Variants in ZNF644 observed in about 807,000 individuals in gnomAD.
ZNF644 encodes zinc finger motif enhancer binding protein 2.
A neutral mutation model predicts 108.0 loss-of-function variants in ZNF644; 20 were observed. The ratio of observed to expected loss-of-function variants is 0.19; its 90% confidence interval spans 0.13 to 0.27. ZNF644 has a LOEUF of 0.27. Ranked by LOEUF, ZNF644 falls within the 10% of genes least tolerant of loss-of-function variation. ZNF644 has a pLI of 1.00. For synonymous variants in ZNF644, 542 were observed against 539.1 expected, an observed-to-expected ratio of 1.01 and a Z score of -0.08; for missense variants, 1,338 against 1,548.9, an observed-to-expected ratio of 0.86 and a Z score of 2.29.
At chr1:90,995,530 T>C (rs1224444311) in intron 1 of ZNF644, among the ~76,000 whole-genome samples, 1 of 151,880 alleles carries the variant, frequency 6.6e-6, no homozygotes, top group Non-Finnish European at 1.5e-5. Flanking sequence ...ACTTAACAAA[T>C]CCAAGAATCT....
At chr1:90,997,431 A>G (rs981561321) in intron 1 of ZNF644, among the ~76,000 whole-genome samples, 7 of 152,154 alleles carry the variant, frequency 4.6e-5, no homozygotes, top group Non-Finnish European at 8.8e-5. Flanking sequence ...GATTTCATAG[A>G]ATTAGTTTCA....
intron 1 of ZNF644, among the ~76,000 whole-genome samples, chr1:91,010,095 A>G (rs971981291): frequency 2.0e-5 from 3 of 151,828 alleles, no homozygotes; most frequent in African/African-American, 7.3e-5. Flanking sequence ...CTTCAGTAGA[A>G]CTCCTTATTT....
intron 1 of ZNF644, among the ~76,000 whole-genome samples, chr1:90,992,597 T>C (rs996854122): frequency 3.9e-5 from 6 of 152,206 alleles, no homozygotes; most frequent in Admixed American, 2.0e-4. Context: ...AATTTCTATA[T>C]GCAAACAATT....
chr1:91,004,026 A>T (rs1266204745), intron 1 of ZNF644, among the ~76,000 whole-genome samples: 1 of 152,180 alleles, frequency 6.6e-6, no homozygotes, highest in East Asian at 1.9e-4. Context: ...GAACAGAAAG[A>T]AAAACCAATT....
intron 2 of ZNF644, among the ~76,000 whole-genome samples, chr1:90,970,919 G>C (rs1655386938): frequency 7.0e-6 from 1 of 142,154 alleles, no homozygotes; most frequent in South Asian, 2.2e-4. Context: ...AGAATCACTT[G>C]AACCCGGGAG....
At chr1:91,014,995 T>C (rs1411154275) in intron 1 of ZNF644, among the ~76,000 whole-genome samples, 2 of 152,164 alleles carry the variant, frequency 1.3e-5, no homozygotes, top group Admixed American at 6.6e-5. Flanking sequence ...TAAAAGAATA[T>C]AGTAGATGCT....
At chr1:91,007,218 CCATTTT>C (rs1277064331) in intron 1 of ZNF644, among the ~76,000 whole-genome samples, 3 of 125,668 alleles carry the variant, frequency 2.4e-5, no homozygotes, top group African/African-American at 8.7e-5. Context: ...CCATTTTCTC[CCATTTT>C]GTTTTTTTTT....
intron 4 of ZNF644, 42 bp downstream of exon 4, chr1:90,937,443 G>C (rs184986759): frequency 1.2e-6 from 2 of 1,612,468 alleles, no homozygotes. Context: ...TAATTGAACT[G>C]CATTTAAACT....
At chr1:90,947,950 G>C (rs576452616) in intron 2 of ZNF644, among the ~76,000 whole-genome samples, 1 of 151,940 alleles carries the variant, frequency 6.6e-6, no homozygotes, top group Non-Finnish European at 1.5e-5. Context: ...CTACACCATC[G>C]CAAAATTGAA....
chr1:90,927,081 C>T (rs1650123559), intron 4 of ZNF644, among the ~76,000 whole-genome samples: 2 of 152,072 alleles, frequency 1.3e-5, no homozygotes, highest in South Asian at 2.1e-4. Context: ...TTCCCCACCC[C>T]GACCCCCATT....
chr1:90,917,083 T>C (rs1648857038), intron 5 of ZNF644, 93 bp from the exon 6 acceptor site: 1 of 1,335,906 alleles, frequency 7.5e-7, no homozygotes, highest in Non-Finnish European at 1.0e-6. Context: ...ATAAACTTTA[T>C]CATATTTTAA....
intron 2 of ZNF644, 46 bp downstream of exon 2, chr1:90,982,264 A>G (rs1656626575): frequency 6.7e-7 from 1 of 1,487,960 alleles, no homozygotes; most frequent in African/African-American, 1.4e-5. Flanking sequence ...TTTTTGTATT[A>G]TTCCTACCTT....
chr1:90,928,938 G>A (rs1376908087), intron 4 of ZNF644, among the ~76,000 whole-genome samples: 1 of 151,796 alleles, frequency 6.6e-6, no homozygotes, highest in Non-Finnish European at 1.5e-5. Context: ...TTTTCCCACT[G>A]GGTTATATTA....
intron 4 of ZNF644, among the ~76,000 whole-genome samples, chr1:90,930,819 C>T (rs1650648307): frequency 2.6e-5 from 4 of 152,188 alleles, no homozygotes; most frequent in Admixed American, 2.6e-4. Context: ...TAACAACATG[C>T]TATCTACCAT....
At chr1:90,941,744 T>C (rs540555273) in intron 2 of ZNF644, among the ~76,000 whole-genome samples, 3 of 152,198 alleles carry the variant, frequency 2.0e-5, no homozygotes, top group Admixed American at 1.3e-4. Context: ...CACTCTATTC[T>C]AGAGAACAAT....
rs142786693 is a variant in ZNF644, at chr1:90,916,898, C to T, written c.3884G>A (p.Arg1295Gln). The T allele has an allele frequency of 4.0e-4, 645 of 1,614,134 alleles. 5 individuals are homozygous for T. Among genetic ancestry groups the T allele is most frequent in the Non-Finnish European group, 7.0e-5 (83 of 1,180,030 alleles). The change falls in exon 6 of 6, where the codon CGG (arginine) becomes CAG (glutamine). Residue 1295 changes from arginine to glutamine, a missense_variant. Arg to Gln is a conservative substitution (Grantham distance 43). Around this residue, in one of 6 missense-constraint regions of ZNF644, gnomAD observed 34 missense variants for 78.6 expected, o/e 0.43. Transcript: ENST00000337393. The stretch of plus-strand genomic sequence containing the variant: ...GACTTCCACCATGCCAGCTCCAGTC[C>T]GTGGAAGATTAGCGTTTACAATATG... ...QRHIVNANLPRTGAGMVEVTS... is the reference protein window; with the variant it reads ...QRHIVNANLPQTGAGMVEVTS...
chr1:90,951,729 A>G lies in ZNF644; in HGVS notation c.45-10420T>C, dbSNP rs373225161. ...AACACCATCTAACACACCATGCAAT[A>G]TATTTATTTACTGTGGTTGTAGTTT... is the stretch of plus-strand genomic sequence containing the variant. On this transcript the variant is annotated intron_variant, in intron 2 of 5. Transcript: ENST00000337393. Among the ~76,000 whole-genome samples, 30 of 152,282 alleles carry G rather than the reference A, an allele frequency of 2.0e-4. 1 individual carries two copies. In the East Asian group the frequency reaches 3.7e-3, roughly 19 times the overall value.
chr1:90,965,042 T>C (rs1220641815), intron 2 of ZNF644, among the ~76,000 whole-genome samples: 1 of 152,138 alleles, frequency 6.6e-6, no homozygotes, highest in Non-Finnish European at 1.5e-5. Context: ...CTGTTACCCT[T>C]GTTAAGTATG....
intron 1 of ZNF644, among the ~76,000 whole-genome samples, chr1:90,988,570 T>C (rs577057667): frequency 5.3e-5 from 8 of 152,214 alleles, no homozygotes; most frequent in East Asian, 3.9e-4. Context: ...AAGGACCCCA[T>C]AGAGCCAAAA....
Sources: gnomAD v4.1 joint callset for allele counts (sites outside exome capture counted in the v4.1 genomes callset) on GRCh38, gnomAD v4.1.1 for gene constraint, gnomAD v4.1.1 regional missense constraint, MANE v1.5 for transcripts, NCBI Gene and HGNC (gene_info 2026-07-23, HGNC 2026-07-21) for gene names.